Variants in TMTC2 observed in about 807,000 individuals in gnomAD.
TMTC2 encodes the protein protein O-mannosyl-transferase TMTC2.
TMTC2 carries 43 observed loss-of-function variants against 82.4 expected under a neutral mutation model. That is an observed-to-expected ratio of 0.52 (90% CI 0.41 to 0.67). The LOEUF is 0.67. TMTC2 is among the 30% of genes least tolerant of loss of function. The probability of loss-of-function intolerance (pLI) is 0.00; values close to 1 mark genes in which losing one functional copy is unlikely to be tolerated. For missense variants in TMTC2, 919 were observed against 1,012.4 expected, an observed-to-expected ratio of 0.91 and a Z score of 1.25; for synonymous variants, 408 against 381.9, an observed-to-expected ratio of 1.07 and a Z score of -0.80.
chr12:82,864,552 A>AGTG (rs1342700215), intron 2 of TMTC2, among the ~76,000 whole-genome samples: 2 of 127,490 alleles, frequency 1.6e-5, no homozygotes, highest in Admixed American at 9.8e-5. Context: ...GCCACGCTGG[A>AGTG]GTGCAGTGGC....
chr12:83,020,427 T>TA (rs1452795187), intron 8 of TMTC2, among the ~76,000 whole-genome samples: 1 of 152,242 alleles, frequency 6.6e-6, no homozygotes, highest in Admixed American at 6.5e-5. Context: ...GAAAACAGCA[T>TA]ATTTTAATAT....
At chr12:83,010,376 A>G (rs184974763) in intron 8 of TMTC2, among the ~76,000 whole-genome samples, 66 of 152,228 alleles carry the variant, frequency 4.3e-4, no homozygotes, top group African/African-American at 1.5e-3. Flanking sequence ...ACATCATCTC[A>G]TCTGATCAGT....
At chr12:82,899,883 A>C (rs1365743988) in intron 3 of TMTC2, among the ~76,000 whole-genome samples, 1 of 143,742 alleles carries the variant, frequency 7.0e-6, no homozygotes, top group Non-Finnish European at 1.5e-5. Flanking sequence ...ACATATCCGG[A>C]ATATAGATAT....
At chr12:82,724,972 CT>C (rs1161352513) in intron 1 of TMTC2, among the ~76,000 whole-genome samples, 1 of 152,130 alleles carries the variant, frequency 6.6e-6, no homozygotes, top group Non-Finnish European at 1.5e-5. Flanking sequence ...TAATTGTAGG[CT>C]GATCACTGTA....
rs185862694 is a variant in TMTC2, at chr12:82,961,358, T to C, written c.1599-3666T>C. Among the ~76,000 whole-genome samples the C allele has an allele frequency of 1.5e-4, 23 of 152,040 alleles. No homozygotes were observed. The Middle Eastern group carries it at 0.01, about 67-fold the overall frequency. ...TAACAGTGCTAGAATTGGCCCAAAT[T>C]TATCCAGAACTTCCAAAATGGCACT... On this transcript the variant is annotated intron_variant, in intron 4 of 11. Coordinates refer to ENST00000321196, the MANE Select transcript of TMTC2 (RefSeq NM_152588.3).
chr12:82,953,071 C>T (rs947958777), intron 4 of TMTC2, among the ~76,000 whole-genome samples: 1 of 152,094 alleles, frequency 6.6e-6, no homozygotes, highest in African/African-American at 2.4e-5. Context: ...GCTTAGTTTC[C>T]AGGACTTGTG....
chr12:82,889,564 TA>T (rs1372237810), intron 2 of TMTC2, among the ~76,000 whole-genome samples: 2 of 152,060 alleles, frequency 1.3e-5, no homozygotes, highest in Non-Finnish European at 2.9e-5. Context: ...CTTCTACACT[TA>T]AATAAAAAAT....
intron 1 of TMTC2, chr12:82,760,450 T>C (rs1306670697): frequency 4.0e-5 from 6 of 150,246 alleles, no homozygotes; most frequent in Non-Finnish European, 7.4e-5. Context: ...CTTATTTGGC[T>C]TGCACTGTGC....
At chr12:82,936,118 C>T (rs377754817) in intron 4 of TMTC2, among the ~76,000 whole-genome samples, 27 of 151,854 alleles carry the variant, frequency 1.8e-4, no homozygotes, top group African/African-American at 6.0e-4. Flanking sequence ...GAAAATCATA[C>T]GAATATATAT....
intron 1 of TMTC2, among the ~76,000 whole-genome samples, chr12:82,825,699 T>A (rs1184541853): frequency 2.0e-5 from 3 of 152,206 alleles, no homozygotes; most frequent in Non-Finnish European, 4.4e-5. Flanking sequence ...AACATAATTA[T>A]TGAAATAATC....
At chr12:83,128,335 G>C (rs963243328) in intron 11 of TMTC2, among the ~76,000 whole-genome samples, 3 of 151,630 alleles carry the variant, frequency 2.0e-5, no homozygotes, top group Non-Finnish European at 4.4e-5. Context: ...ATGTGTTCTT[G>C]TTTGGTTATC....
chr12:82,937,036 A>C (rs1162495491), intron 4 of TMTC2, among the ~76,000 whole-genome samples: 1 of 152,322 alleles, frequency 6.6e-6, no homozygotes, highest in Admixed American at 6.5e-5. Context: ...CTGGCTTATT[A>C]TAAAGAGCTT....
intron 1 of TMTC2, among the ~76,000 whole-genome samples, chr12:82,727,489 G>A (rs1477492750): frequency 1.3e-5 from 2 of 151,976 alleles, no homozygotes; most frequent in African/African-American, 2.4e-5. Context: ...GGCTCACGGT[G>A]GAGGGTGGAT....
At chr12:82,924,569 A>C (rs1193711290) in intron 3 of TMTC2, among the ~76,000 whole-genome samples, 1 of 152,158 alleles carries the variant, frequency 6.6e-6, no homozygotes, top group Non-Finnish European at 1.5e-5. Context: ...GAAATAGGAG[A>C]GATTTTCATT....
chr12:83,050,332 A>C (rs1315752797), intron 9 of TMTC2, among the ~76,000 whole-genome samples: 1 of 152,094 alleles, frequency 6.6e-6, no homozygotes, highest in Non-Finnish European at 1.5e-5. Flanking sequence ...GCATTATATA[A>C]TAATTTTTGA....
chr12:82,891,695 A>G (rs1873404109), intron 2 of TMTC2, among the ~76,000 whole-genome samples: 1 of 151,832 alleles, frequency 6.6e-6, no homozygotes, highest in Non-Finnish European at 1.5e-5. Flanking sequence ...TACTTTTTTT[A>G]ATTTTTATTT....
At chr12:83,074,888 G>T (rs374830464) in intron 11 of TMTC2, among the ~76,000 whole-genome samples, 1 of 152,136 alleles carries the variant, frequency 6.6e-6, no homozygotes, top group Non-Finnish European at 1.5e-5. Flanking sequence ...AGTTCAGGCC[G>T]GGAGGCTTCA....
intron 2 of TMTC2, among the ~76,000 whole-genome samples, chr12:82,871,012 A>G (rs999049622): frequency 6.6e-6 from 1 of 152,190 alleles, no homozygotes; most frequent in Non-Finnish European, 1.5e-5. Flanking sequence ...GTTCAAGAGG[A>G]AGAGAAATAA....
At chr12:82,911,199 C>T (rs1285683157) in intron 3 of TMTC2, among the ~76,000 whole-genome samples, 2 of 152,030 alleles carry the variant, frequency 1.3e-5, no homozygotes, top group Middle Eastern at 6.8e-3. Context: ...TTTTTACAGC[C>T]CCAGGGTTTG....
Sources: allele counts gnomAD v4.1 joint callset (sites outside exome capture counted in the v4.1 genomes callset), GRCh38; gene constraint gnomAD v4.1.1; transcripts MANE v1.5; gene names NCBI Gene and HGNC (gene_info 2026-07-23, HGNC 2026-07-21).